Variants in DNAH1 observed in about 807,000 individuals in gnomAD.
DNAH1 encodes axonemal beta dynein heavy chain 1.
In DNAH1, 327 loss-of-function variants were observed where a neutral mutation model predicts 484.3. The observed-to-expected ratio is 0.68, with a 90% confidence interval of 0.62 to 0.74. The LOEUF (loss-of-function observed/expected upper bound fraction) is 0.74, where lower values mean the gene tolerates loss of function less well. Ranked by LOEUF, DNAH1 falls within the 30% of genes least tolerant of loss-of-function variation. The pLI, the probability that DNAH1 is intolerant of heterozygous loss-of-function variation, is 0.00. For synonymous variants in DNAH1, 2,192 were observed against 2,191.9 expected, an observed-to-expected ratio of 1.00 and a Z score of 0.00; for missense variants, 5,052 against 5,546.8, an observed-to-expected ratio of 0.91 and a Z score of 2.83.
chr3:52,331,302 C>T lies in DNAH1; in HGVS notation c.1026C>T (p.Thr342=). ...MGRPILNAGV[T]TEGRPPLQVC... is the part of the protein sequence containing the mutation. Reference sequence around the variant, plus strand: ...GGCCCATCCTGAATGCAGGGGTCACCACTGAAGGTATGAGGTCCTGCCGCT... The same window carrying T: ...GGCCCATCCTGAATGCAGGGGTCACTACTGAAGGTATGAGGTCCTGCCGCT... The change falls in exon 7 of 78, where the codon ACC becomes ACT. Residue 342 remains threonine, a synonymous_variant. Transcript: ENST00000420323. 1 of 1,605,556 alleles carries T rather than the reference C, an allele frequency of 6.2e-7. No individual in the cohort carries two copies. Among genetic ancestry groups the T allele is most frequent in the East Asian group, 2.2e-5 (1 of 44,584 alleles).
In DNAH1 at chr3:52,362,317, G is replaced by T; in HGVS notation, c.4981-71G>T. On this transcript the variant is annotated intron_variant, in intron 30 of 77. Coordinates refer to ENST00000420323, the MANE Select transcript of DNAH1 (RefSeq NM_015512.5). The surrounding 1 kb of genome is among the most constrained non-coding windows in gnomAD (Gnocchi z 5.1). ...GGACAGGGGCATCAACAGGGGACAA[G>T]GGGCCCACTCAGAGGAGGGGACAAG... 7.6e-7 allele frequency: 1 copy of T among 1,312,412 alleles called. No homozygotes were observed. Among genetic ancestry groups the T allele is most frequent in the East Asian group, 2.4e-5 (1 of 41,120 alleles). The allele number at this position is 1,312,412 out of a possible 1,614,324, so 81.3% of individuals were successfully genotyped here.
In DNAH1 at chr3:52,332,415, C is replaced by T. The variant is rs886692874; in HGVS notation, c.1286+21C>T. On this transcript the variant is annotated intron_variant, in intron 8 of 77. Coordinates refer to ENST00000420323, the MANE Select transcript of DNAH1 (RefSeq NM_015512.5). ...CCCTCGTGAGTCCCCGCTCGGCCTTCCCTATTCTGGGCATCACCTTCTTCA... is the reference window on the plus strand; with the variant it reads ...CCCTCGTGAGTCCCCGCTCGGCCTTTCCTATTCTGGGCATCACCTTCTTCA... 1.9e-6 allele frequency: 3 copies of T among 1,606,134 alleles called. No homozygotes were observed. The South Asian group carries it at 3.3e-5, about 18-fold the overall frequency.
At chr3:52,318,687 A>G (rs1182380804) in intron 1 of DNAH1, among the ~76,000 whole-genome samples, 1 of 152,240 alleles carries the variant, frequency 6.6e-6, no homozygotes, top group Non-Finnish European at 1.5e-5. Context: ...TGCACATGTA[A>G]TACAGGGAGA....
chr3:52,394,722 G>A (rs1457650479), intron 67 of DNAH1, 61 bp downstream of exon 67: 2 of 1,519,462 alleles, frequency 1.3e-6, no homozygotes, highest in African/African-American at 2.8e-5. Context: ...CCCTAGGAAA[G>A]GCTTGTCTGG....
chr3:52,337,755 T>C (rs190081931), intron 8 of DNAH1, among the ~76,000 whole-genome samples: 2 of 152,344 alleles, frequency 1.3e-5, no homozygotes. Context: ...GCTTTCCTAC[T>C]TAACCCTTTA....
chr3:52,371,175 C>T (rs888546150), intron 41 of DNAH1, among the ~76,000 whole-genome samples: 1 of 152,200 alleles, frequency 6.6e-6, no homozygotes, highest in African/African-American at 2.4e-5. Flanking sequence ...AGAGACTGGG[C>T]TCCCGAGGGC....
chr3:52,370,506 G>A lies in DNAH1; in HGVS notation c.6288G>A (p.Leu2096=). The A allele has an allele frequency of 6.2e-7, 1 of 1,613,976 alleles. No individual in the cohort carries two copies. Among genetic ancestry groups the A allele is most frequent in the Non-Finnish European group, 8.5e-7 (1 of 1,179,906 alleles). ...EGLKKIPSEK[L]SRIVELIEPW... ...TCAAGAAAATACCCTCTGAAAAGCT[G>A]AGTCGCATCGTAGAGTTGATCGAGC... The change falls in exon 40 of 78, where the codon CTG becomes CTA. Residue 2096 remains leucine (L), a synonymous_variant. Transcript: ENST00000420323.
intron 25 of DNAH1, among the ~76,000 whole-genome samples, chr3:52,359,035 G>A (rs1325310013): frequency 6.6e-6 from 1 of 152,104 alleles, no homozygotes; most frequent in African/African-American, 2.4e-5. Flanking sequence ...GGCTCTAGGT[G>A]ACTCCCCAGC....
intron 8 of DNAH1, among the ~76,000 whole-genome samples, chr3:52,343,091 G>A (rs1424348371): frequency 1.3e-5 from 2 of 152,182 alleles, no homozygotes; most frequent in Non-Finnish European, 2.9e-5. Flanking sequence ...GAATAGGAGG[G>A]AGCCACTGTG....
chr3:52,326,188 A>G lies in DNAH1; in HGVS notation c.455A>G (p.Gln152Arg). Residue 152 changes from glutamine (Q) to arginine (R), a missense_variant, in exon 4 of 78, where the codon CAG becomes CGG. Gln to Arg is a conservative substitution (Grantham distance 43). Around this residue, in one of 4 missense-constraint regions of DNAH1, gnomAD observed 1,263 missense variants for 1,218.8 expected, o/e 1.04. Transcript: ENST00000420323. The stretch of plus-strand genomic sequence containing the variant: ...GACTTCCAGGAGCGCATGGAGCAGC[A>G]GTGCATCGGGTCCACCACCCGGCTG... ...PEDFQERMEQ[Q>R]CIGSTTRLLA... The G allele has an allele frequency of 6.2e-7, 1 of 1,612,812 alleles. No individual in the cohort carries two copies.
In DNAH1 at chr3:52,370,542, C is replaced by T; in HGVS notation, c.6324C>T (p.Ile2108=). Residue 2108 remains isoleucine, a synonymous_variant, in exon 40 of 78, where the codon ATC becomes ATT. Transcript: ENST00000420323. Reference sequence around the variant, plus strand: ...TAGAGTTGATCGAGCCCTGGTTCATCTTCTCCCTGATCTGGAGCGTGGGTG... The same window carrying T: ...TAGAGTTGATCGAGCCCTGGTTCATTTTCTCCCTGATCTGGAGCGTGGGTG... The part of the protein sequence containing the change: ...RIVELIEPWF[I]FSLIWSVGAT... 1 of 1,614,006 alleles carries T rather than the reference C, an allele frequency of 6.2e-7. No individual in the cohort carries two copies. Among genetic ancestry groups the T allele is most frequent in the East Asian group, 2.2e-5 (1 of 44,886 alleles).
intron 73 of DNAH1, 42 bp downstream of exon 73, chr3:52,397,086 C>G (rs778534710): frequency 2.6e-6 from 4 of 1,532,556 alleles, no homozygotes; most frequent in Non-Finnish European, 3.5e-6. Context: ...GGCCTGCCAG[C>G]CTGGGGTTCT....
At chr3:52,340,009 G>A (rs889141163) in intron 8 of DNAH1, among the ~76,000 whole-genome samples, 1 of 152,112 alleles carries the variant, frequency 6.6e-6, no homozygotes, top group African/African-American at 2.4e-5. Flanking sequence ...CCTTTGAATT[G>A]CATGCCCTTA....
In DNAH1 at chr3:52,351,973, G is replaced by A. The variant is rs930362392; in HGVS notation, c.2741G>A (p.Ser914Asn). Residue 914 changes from serine (S) to asparagine (N), a missense_variant, in exon 17 of 78, where the codon AGC becomes AAC. By Grantham distance (46) the Ser-to-Asn change is conservative (BLOSUM62 1). Coordinates refer to ENST00000420323, the MANE Select transcript of DNAH1 (RefSeq NM_015512.5). ...SDDFNDKWIA[S>N]NWPSKILGQI... ...CCCATCCCGGCCAGATGGATTGCCA[G>A]CAACTGGCCTTCTAAGATCCTTGGG... 2 of 1,601,974 alleles carry A rather than the reference G, an allele frequency of 1.2e-6. No individual in the cohort carries two copies. The highest frequency in any genetic ancestry group is 2.7e-5 in the African/African-American group (2 of 74,640).
upstream of DNAH1, among the ~76,000 whole-genome samples, chr3:52,315,608 T>G (rs982960567): frequency 5.3e-5 from 8 of 152,168 alleles, no homozygotes; most frequent in South Asian, 2.1e-4. Flanking sequence ...CCAACTCTTG[T>G]AGAAACCTAG....
chr3:52,375,887 C>G, intron 45 of DNAH1, 68 bp from the exon 46 acceptor site: 1 of 1,586,038 alleles, frequency 6.3e-7, no homozygotes, highest in Non-Finnish European at 8.6e-7. Flanking sequence ...CACCATCTCA[C>G]CTGGCCAGGG....
chr3:52,380,129 GAGTA>G lies in DNAH1; in HGVS notation c.7605_7608del (p.Ser2535ArgfsTer2). On this transcript the variant is annotated frameshift_variant and splice_region_variant, in exon 48 of 78. Coordinates refer to ENST00000420323, the MANE Select transcript of DNAH1 (RefSeq NM_015512.5). LOFTEE classifies it high-confidence loss of function. ...AGTCCTACGAGCTCATCACCAGTGA[GAGTA>G]AGGTGAGGGGCCCAGGCAGGCGCCC... 1 of 1,589,844 alleles carries G rather than the reference GAGTA, an allele frequency of 6.3e-7. No homozygotes were observed. Among genetic ancestry groups the G allele is most frequent in the Non-Finnish European group, 8.6e-7 (1 of 1,168,084 alleles).
rs1432737272 is a variant in DNAH1 at position 52,388,233 on chromosome 3, G to A, written c.9070G>A (p.Ala3024Thr). 1 of 1,606,966 alleles carries A rather than the reference G, an allele frequency of 6.2e-7. No homozygotes were observed. The highest frequency in any genetic ancestry group is 8.5e-7 in the Non-Finnish European group (1 of 1,176,850). Residue 3024 changes from alanine to threonine, a missense_variant, in exon 57 of 78, where the codon GCC becomes ACC. Ala to Thr is a moderately conservative substitution (Grantham distance 58). Coordinates refer to ENST00000420323, the MANE Select transcript of DNAH1 (RefSeq NM_015512.5). ...PYIDNEEFQPATIAKVSKACT... is the reference protein window; with the variant it reads ...PYIDNEEFQPTTIAKVSKACT... ...CATCGATAATGAAGAGTTCCAGCCAGCCACCATTGCCAAGGTGTCCAAGGC... is the reference window on the plus strand; with the variant it reads ...CATCGATAATGAAGAGTTCCAGCCAACCACCATTGCCAAGGTGTCCAAGGC...
At chr3:52,347,791 C>G (rs1578114310) in intron 11 of DNAH1, 33 bp from the exon 12 acceptor site, 1 of 1,539,708 alleles carries the variant, frequency 6.5e-7, no homozygotes, top group Middle Eastern at 1.7e-4. Flanking sequence ...CCTCCTAGGC[C>G]TCTGCCCACA....
Sources: gnomAD v4.1 joint callset for allele counts (sites outside exome capture counted in the v4.1 genomes callset) on GRCh38, gnomAD v4.1.1 for gene constraint, gnomAD v4.1.1 regional missense constraint, Gnocchi (gnomAD v3.1) non-coding constraint, MANE v1.5 for transcripts, NCBI Gene and HGNC (gene_info 2026-07-23, HGNC 2026-07-21) for gene names.